Variants in RIMS2 observed in about 807,000 individuals in gnomAD.
The protein encoded by RIMS2 is regulating synaptic membrane exocytosis 2, also known as regulating synaptic membrane exocytosis protein 2.
A neutral mutation model predicts 174.4 loss-of-function variants in RIMS2; 59 were observed. The observed-to-expected ratio is 0.34, with a 90% CI of 0.27 to 0.42. The LOEUF (loss-of-function observed/expected upper bound fraction) is 0.42, where lower values mean the gene tolerates loss of function less well. Among genes scored for constraint, RIMS2 ranks in the 10% least tolerant of loss-of-function variants. The probability of loss-of-function intolerance (pLI) is 1.00; values close to 1 mark genes in which losing one functional copy is unlikely to be tolerated. For synonymous variants in RIMS2, 606 were observed against 572.5 expected (o/e 1.06, Z -0.84); for missense variants, 1,620 against 1,666.3 (o/e 0.97, Z 0.48).
chr8:103,952,103 G>T (rs558683117), intron 14 of RIMS2, among the ~76,000 whole-genome samples: 91 of 152,358 alleles, frequency 6.0e-4, no homozygotes, highest in Non-Finnish European at 1.1e-3. Flanking sequence ...AGCAGCCCCA[G>T]TCAGGGACTT....
chr8:103,705,495 G>T (rs1164122564), intron 2 of RIMS2, among the ~76,000 whole-genome samples: 1 of 151,976 alleles, frequency 6.6e-6, no homozygotes, highest in African/African-American at 2.4e-5. Flanking sequence ...CTGATTTTTT[G>T]TTGTTGTTGC....
rs559078608 is a variant in RIMS2 at position 104,160,534 on chromosome 8, G to A, written c.3335-84382G>A. ...ATGGAAATAAGTAGAACTCTTGAAA[G>A]CTTTTGTTAAGGAATATTTATATCT... On this transcript the variant is annotated intron_variant, in intron 19 of 23. Coordinates refer to ENST00000504942, the Ensembl canonical transcript of RIMS2. Among the ~76,000 whole-genome samples, 119 of 152,230 alleles carry A rather than the reference G, an allele frequency of 7.8e-4. 1 individual carries two copies. Among genetic ancestry groups the A allele is most frequent in the Non-Finnish European group, 1.3e-3 (88 of 68,004 alleles).
At position 104,139,045 on chromosome 8, in the gene RIMS2, T is replaced by C. The variant is rs531291499; in HGVS notation, c.3335-105871T>C. Among the ~76,000 whole-genome samples, 7 of 152,312 alleles carry C rather than the reference T, an allele frequency of 4.6e-5. No homozygotes were observed. In the South Asian group the frequency reaches 1.4e-3, roughly 32 times the overall value. ...ACTGTTCTAACCTCAATGTATGTTC[T>C]TAACACCTTTGTCAAAAATGACTTC... is the stretch of plus-strand genomic sequence containing the variant. On this transcript the variant is annotated intron_variant, in intron 19 of 23. Coordinates refer to ENST00000504942, the Ensembl canonical transcript of RIMS2.
intron 19 of RIMS2, among the ~76,000 whole-genome samples, chr8:104,031,742 C>A (rs915529931): frequency 4.6e-5 from 7 of 151,936 alleles, no homozygotes; most frequent in African/African-American, 1.7e-4. Flanking sequence ...CAAACCATTG[C>A]CGAAAAAGAA....
At chr8:104,125,937 T>C (rs914556724) in intron 19 of RIMS2, among the ~76,000 whole-genome samples, 2 of 152,192 alleles carry the variant, frequency 1.3e-5, no homozygotes, top group Non-Finnish European at 2.9e-5. Flanking sequence ...TCCAATTTTA[T>C]GAGAAGTGAA....
intron 1 of RIMS2, among the ~76,000 whole-genome samples, chr8:103,559,928 C>A (rs1359034194): frequency 6.6e-6 from 1 of 152,182 alleles, no homozygotes; most frequent in African/African-American, 2.4e-5. Context: ...CCAGATTATA[C>A]CTACACATGC....
chr8:103,707,800 G>A (rs1344227919), intron 2 of RIMS2, among the ~76,000 whole-genome samples: 4 of 152,202 alleles, frequency 2.6e-5, no homozygotes, highest in Non-Finnish European at 5.9e-5. Context: ...TTAAGGCTAA[G>A]GCCACTGTAG....
chr8:104,084,562 C>G (rs1026841074), intron 19 of RIMS2, among the ~76,000 whole-genome samples: 1 of 151,416 alleles, frequency 6.6e-6, no homozygotes, highest in African/African-American at 2.4e-5. Flanking sequence ...AGGACAATGC[C>G]CTTTCGTTTT....
chr8:104,213,888 A>AAAAGAAG lies in RIMS2; in HGVS notation c.3335-31026_3335-31025insAGAAGAA, dbSNP rs778544122. ...GAGACTCTGCCTCGGAAAAAAAAAA[A>AAAAGAAG]AAGAAGAAGAAGAAGAAGAAGAAGA... On this transcript the variant is annotated intron_variant, in intron 19 of 23. Coordinates refer to ENST00000504942, the Ensembl canonical transcript of RIMS2. Among the ~76,000 whole-genome samples, 846 of 148,144 alleles carry AAAAGAAG rather than the reference A, an allele frequency of 5.7e-3. 4 individuals are homozygous for AAAAGAAG. The highest frequency in any genetic ancestry group is 0.019 in the African/African-American group (758 of 39,248).
intron 3 of RIMS2, among the ~76,000 whole-genome samples, chr8:103,789,811 T>C (rs1221096705): frequency 2.1e-5 from 3 of 140,524 alleles, no homozygotes; most frequent in African/African-American, 5.4e-5. Context: ...TGGAGGACGG[T>C]AGCACAGTCA....
At chr8:103,560,075 G>A (rs1282543826) in intron 1 of RIMS2, among the ~76,000 whole-genome samples, 4 of 152,326 alleles carry the variant, frequency 2.6e-5, no homozygotes, top group African/African-American at 9.6e-5. Flanking sequence ...ATCTGTTGCT[G>A]AAGCAGAGCT....
intron 19 of RIMS2, among the ~76,000 whole-genome samples, chr8:104,225,894 A>G (rs751937019): frequency 9.9e-5 from 15 of 152,200 alleles, no homozygotes; most frequent in Non-Finnish European, 1.9e-4. Context: ...CACGAGTAGA[A>G]ATCTTAACTT....
rs1395565182 is a variant in RIMS2, at chr8:103,620,755, T to TG, written c.177-76329dup. 3.3e-5 allele frequency among the ~76,000 whole-genome samples: 5 copies of TG among 152,320 alleles called. No individual in the cohort carries two copies. The East Asian group carries it at 9.6e-4, about 29-fold the overall frequency. On this transcript the variant is annotated intron_variant, in intron 1 of 23. Coordinates refer to ENST00000504942, the Ensembl canonical transcript of RIMS2. ...ATAATACCAGATAAAGGATATTAAG[T>TG]GGATTAAATAATTTATGTAGAAAGT...
At chr8:104,151,827 T>G (rs1216939118) in intron 19 of RIMS2, among the ~76,000 whole-genome samples, 1 of 152,052 alleles carries the variant, frequency 6.6e-6, no homozygotes, top group Non-Finnish European at 1.5e-5. Flanking sequence ...AAAACAGCAG[T>G]AGGCCAAGAC....
At chr8:103,584,967 T>G in intron 1 of RIMS2, among the ~76,000 whole-genome samples, 1 of 152,156 alleles carries the variant, frequency 6.6e-6, no homozygotes, top group East Asian at 1.9e-4. Flanking sequence ...TAAGATCCAT[T>G]TATCTGTTGC....
chr8:103,825,568 G>C (rs2098784944), intron 3 of RIMS2, among the ~76,000 whole-genome samples: 1 of 151,668 alleles, frequency 6.6e-6, no homozygotes, highest in African/African-American at 2.4e-5. Context: ...ACAGACATGA[G>C]CCACTGCTCC....
chr8:103,641,967 T>C (rs138205744), intron 1 of RIMS2, among the ~76,000 whole-genome samples: 2 of 152,170 alleles, frequency 1.3e-5, no homozygotes, highest in African/African-American at 4.8e-5. Flanking sequence ...ACAAATGGAC[T>C]AAGACATTGT....
chr8:104,161,615 A>C (rs2098761857), intron 19 of RIMS2, among the ~76,000 whole-genome samples: 1 of 152,330 alleles, frequency 6.6e-6, no homozygotes, highest in African/African-American at 2.4e-5. Context: ...GGCATGATCT[A>C]TGGTGTATCA....
rs191584400 is a variant in RIMS2, at chr8:104,244,566, C to T, written c.3335-350C>T. On this transcript the variant is annotated intron_variant, in intron 19 of 23. Coordinates refer to ENST00000504942, the Ensembl canonical transcript of RIMS2. ...TGGCATTTAAATATTACAATGAAAA[C>T]AAAAGATAGGCATAAATTAACCTGC... 1.4e-4 allele frequency among the ~76,000 whole-genome samples: 21 copies of T among 152,106 alleles called. No individual in the cohort carries two copies. In the East Asian group the frequency reaches 2.5e-3, roughly 18 times the overall value.
Sources: allele counts gnomAD v4.1 joint callset (sites outside exome capture counted in the v4.1 genomes callset), GRCh38; gene constraint gnomAD v4.1.1; transcripts MANE v1.5; gene names NCBI Gene and HGNC (gene_info 2026-07-23, HGNC 2026-07-21).